The following NDST4 variants were observed in gnomAD, a reference collection of about 807,000 sequenced individuals.
NDST4 encodes the protein N-heparan sulfate sulfotransferase 4.
A neutral mutation model predicts 100.8 loss-of-function variants in NDST4; 63 were observed. The observed-to-expected ratio is 0.62, with a 90% CI of 0.51 to 0.77. The LOEUF is 0.77. Among genes scored for constraint, NDST4 ranks in the 30% least tolerant of loss-of-function variants. NDST4 has a pLI of 0.00. For missense variants in NDST4, 943 were observed against 1,018.4 expected, an observed-to-expected ratio of 0.93 and a Z score of 1.01; for synonymous variants, 377 against 361.8, an observed-to-expected ratio of 1.04 and a Z score of -0.48.
intron 1 of NDST4, among the ~76,000 whole-genome samples, chr4:115,088,368 C>T (rs577897): frequency 0.74 from 112,458 of 151,034 alleles, 43,037 homozygotes; most frequent in African/African-American, 0.93. Flanking sequence ...CAGCCTCTCT[C>T]TTCTAGGGAC....
At chr4:114,834,796 C>G (rs181976862) in intron 11 of NDST4, among the ~76,000 whole-genome samples, 1 of 152,034 alleles carries the variant, frequency 6.6e-6, no homozygotes, top group Admixed American at 6.6e-5. Flanking sequence ...AACTTGTTAT[C>G]GGTCTATTCA....
chr4:114,877,009 G>A (rs180804796), intron 6 of NDST4, among the ~76,000 whole-genome samples: 4 of 152,134 alleles, frequency 2.6e-5, no homozygotes, highest in African/African-American at 4.8e-5. Flanking sequence ...GTCAACAAGC[G>A]GATTGCACGC....
intron 1 of NDST4, among the ~76,000 whole-genome samples, chr4:115,105,208 G>T (rs1729811238): frequency 6.6e-6 from 1 of 152,046 alleles, no homozygotes; most frequent in Admixed American, 6.6e-5. Flanking sequence ...ATCATAATTA[G>T]GTCAATCAAT....
At chr4:114,960,701 A>G (rs1028181342) in intron 4 of NDST4, among the ~76,000 whole-genome samples, 18 of 152,222 alleles carry the variant, frequency 1.2e-4, no homozygotes, top group Admixed American at 1.2e-3. Flanking sequence ...TGCTATGACT[A>G]TAACAAGTGT....
chr4:114,931,637 T>A (rs1302061228), intron 6 of NDST4, among the ~76,000 whole-genome samples: 1 of 151,176 alleles, frequency 6.6e-6, no homozygotes, highest in East Asian at 1.9e-4. Flanking sequence ...GAGAGAAGGC[T>A]CAAATAAAAT....
At chr4:115,087,254 C>A (rs775906874) in intron 1 of NDST4, among the ~76,000 whole-genome samples, 24 of 151,922 alleles carry the variant, frequency 1.6e-4, no homozygotes, top group Non-Finnish European at 3.2e-4. Context: ...TGAAACCAGA[C>A]AGGCTATCTA....
intron 8 of NDST4, among the ~76,000 whole-genome samples, chr4:114,851,677 T>C (rs1723678694): frequency 6.6e-6 from 1 of 152,188 alleles, no homozygotes; most frequent in South Asian, 2.1e-4. Flanking sequence ...AGCAATGCTG[T>C]AAGGGAGTTG....
chr4:114,896,405 C>T (rs951749121), intron 6 of NDST4, among the ~76,000 whole-genome samples: 4 of 151,990 alleles, frequency 2.6e-5, no homozygotes, highest in South Asian at 2.1e-4. Flanking sequence ...GGGTGGATCA[C>T]GAGGTCAAGA....
At position 115,001,462 on chromosome 4, in the gene NDST4, T is replaced by C. The variant is rs574301169; in HGVS notation, c.979-24188A>G. Among the ~76,000 whole-genome samples, 31 of 152,104 alleles carry C rather than the reference T, an allele frequency of 2.0e-4. No homozygotes were observed. The East Asian group carries it at 6.0e-3, about 29-fold the overall frequency. On this transcript the variant is annotated intron_variant, in intron 2 of 13. Coordinates refer to ENST00000264363, the MANE Select transcript of NDST4 (RefSeq NM_022569.3). ...GTTCTGCCCCCTGTTAGGAGATTCA[T>C]GGGTTTTTTTTTCCTGCTTTTTATA...
intron 2 of NDST4, among the ~76,000 whole-genome samples, chr4:115,053,987 G>A (rs2126280151): frequency 6.6e-6 from 1 of 152,126 alleles, no homozygotes; most frequent in Non-Finnish European, 1.5e-5. Flanking sequence ...TTGGCTCTTA[G>A]TAAAGAGTTT....
chr4:114,908,498 A>G (rs550206627), intron 6 of NDST4, among the ~76,000 whole-genome samples: 4 of 151,722 alleles, frequency 2.6e-5, no homozygotes, highest in Non-Finnish European at 5.9e-5. Flanking sequence ...TTACTTTTTA[A>G]TTATGTAGAG....
chr4:115,066,807 A>G (rs1189994027), intron 2 of NDST4, among the ~76,000 whole-genome samples: 1 of 152,168 alleles, frequency 6.6e-6, no homozygotes, highest in Non-Finnish European at 1.5e-5. Flanking sequence ...GGGTATCAAG[A>G]CCATCATTTC....
chr4:115,081,087 T>G (rs1280866207), intron 1 of NDST4, among the ~76,000 whole-genome samples: 1 of 143,058 alleles, frequency 7.0e-6, no homozygotes, highest in Non-Finnish European at 1.5e-5. Context: ...AATGCAATAG[T>G]GAAAAATAAA....
intron 2 of NDST4, among the ~76,000 whole-genome samples, chr4:115,024,484 C>T (rs1374496322): frequency 1.3e-5 from 2 of 152,030 alleles, no homozygotes; most frequent in Non-Finnish European, 2.9e-5. Flanking sequence ...CAGTAGTTAC[C>T]CATCTTTTCT....
chr4:114,992,150 A>G (rs1350971999), intron 2 of NDST4, among the ~76,000 whole-genome samples: 1 of 151,524 alleles, frequency 6.6e-6, no homozygotes, highest in Non-Finnish European at 1.5e-5. Flanking sequence ...TACATACTTT[A>G]TTTTTTTTCA....
chr4:114,999,666 T>C (rs930941632), intron 2 of NDST4, among the ~76,000 whole-genome samples: 4 of 152,072 alleles, frequency 2.6e-5, no homozygotes, highest in African/African-American at 9.7e-5. Context: ...TGGTAAAACA[T>C]TCAGAGTAGC....
At chr4:115,063,795 C>T (rs1012290125) in intron 2 of NDST4, among the ~76,000 whole-genome samples, 6 of 151,816 alleles carry the variant, frequency 4.0e-5, no homozygotes, top group Non-Finnish European at 8.8e-5. Context: ...TGCTTTTTTA[C>T]CTTGCTCAGA....
chr4:115,081,067 A>G (rs1390536510), intron 1 of NDST4, among the ~76,000 whole-genome samples: 1 of 151,452 alleles, frequency 6.6e-6, no homozygotes, highest in African/African-American at 2.4e-5. Flanking sequence ...TATTTAGACT[A>G]TCTCCTCCTA....
At chr4:114,828,904 T>C (rs751001929) in intron 13 of NDST4, among the ~76,000 whole-genome samples, 18 of 152,290 alleles carry the variant, frequency 1.2e-4, no homozygotes, top group Non-Finnish European at 2.2e-4. Context: ...CTACATTTCA[T>C]CTTGGAACGT....
Sources: allele counts gnomAD v4.1 joint callset (sites outside exome capture counted in the v4.1 genomes callset), GRCh38; gene constraint gnomAD v4.1.1; transcripts MANE v1.5; gene names NCBI Gene and HGNC (gene_info 2026-07-23, HGNC 2026-07-21).